Variants in FAR2 observed in about 807,000 individuals in gnomAD.
The protein encoded by FAR2 is fatty acyl-CoA reductase 2.
A neutral mutation model predicts 56.0 loss-of-function variants in FAR2; 19 were observed. The observed-to-expected ratio is 0.34, with a 90% CI of 0.24 to 0.50. FAR2 has a LOEUF of 0.50. Among genes scored for constraint, FAR2 ranks in the 20% least tolerant of loss-of-function variants. The probability of loss-of-function intolerance (pLI) is 0.98; values close to 1 mark genes in which losing one functional copy is unlikely to be tolerated. For synonymous variants in FAR2, 219 were observed against 218.8 expected, an observed-to-expected ratio of 1.00 and a Z score of -0.01; for missense variants, 508 against 642.2, an observed-to-expected ratio of 0.79 and a Z score of 2.26.
intron 4 of FAR2, among the ~76,000 whole-genome samples, chr12:29,298,451 T>G (rs1447445828): frequency 6.6e-6 from 1 of 152,146 alleles, no homozygotes; most frequent in Non-Finnish European, 1.5e-5. Context: ...TTCATTACCT[T>G]CAGGGCAAAC....
At chr12:29,239,159 T>C (rs1489124999) in intron 1 of FAR2, among the ~76,000 whole-genome samples, 1 of 152,146 alleles carries the variant, frequency 6.6e-6, no homozygotes, top group Admixed American at 6.6e-5. Flanking sequence ...GTATTGTTGT[T>C]AGAAGCAAGT....
intron 1 of FAR2, among the ~76,000 whole-genome samples, chr12:29,238,648 C>T (rs1565483466): frequency 6.6e-6 from 1 of 152,100 alleles, no homozygotes; most frequent in Non-Finnish European, 1.5e-5. Context: ...TTATGCTAAA[C>T]TGTACATAAG....
intron 1 of FAR2, among the ~76,000 whole-genome samples, chr12:29,230,100 C>T (rs1306842448): frequency 1.3e-5 from 2 of 151,896 alleles, no homozygotes; most frequent in Admixed American, 1.3e-4. Context: ...ATGTCATAAA[C>T]AGATGACATA....
intron 4 of FAR2, among the ~76,000 whole-genome samples, chr12:29,298,036 C>CAAAAAAAA (rs71042980): frequency 8.1e-6 from 1 of 123,598 alleles, no homozygotes. Context: ...AACTCCGTCT[C>CAAAAAAAA]AAAAAAAAAA....
chr12:29,235,107 C>T (rs1438334150), intron 1 of FAR2, among the ~76,000 whole-genome samples: 1 of 152,114 alleles, frequency 6.6e-6, no homozygotes, highest in Admixed American at 6.6e-5. Flanking sequence ...TTCCATTTTA[C>T]AAAGCAGAGA....
At chr12:29,195,756 A>T (rs1950138618) in intron 1 of FAR2, among the ~76,000 whole-genome samples, 1 of 152,174 alleles carries the variant, frequency 6.6e-6, no homozygotes, top group African/African-American at 2.4e-5. Flanking sequence ...TTCAAGTATT[A>T]CATGGATATA....
chr12:29,264,883 G>A (rs1230569375), intron 1 of FAR2, among the ~76,000 whole-genome samples: 2 of 147,830 alleles, frequency 1.4e-5, no homozygotes, highest in East Asian at 4.2e-4. Flanking sequence ...TATGCCCACA[G>A]TGGACACTCT....
chr12:29,253,274 T>G (rs1591894113), intron 1 of FAR2, among the ~76,000 whole-genome samples: 1 of 16,972 alleles, frequency 5.9e-5, no homozygotes, highest in Non-Finnish European at 1.5e-4. Context: ...TAGATATCTA[T>G]ATATCGATAT....
chr12:29,196,096 C>G (rs1037401356), intron 1 of FAR2, among the ~76,000 whole-genome samples: 1 of 152,030 alleles, frequency 6.6e-6, no homozygotes. Context: ...TCTAATTATC[C>G]ATTGATGATC....
At chr12:29,243,813 G>A (rs999204957) in intron 1 of FAR2, among the ~76,000 whole-genome samples, 1 of 152,128 alleles carries the variant, frequency 6.6e-6, no homozygotes, top group Non-Finnish European at 1.5e-5. Context: ...ATCATGTTGA[G>A]TTCAGGATGT....
Position 29,307,766 on chromosome 12 carries a change from G to C in FAR2, c.654G>C (p.Glu218Asp). 6.2e-7 allele frequency: 1 copy of C among 1,613,510 alleles called. No homozygotes were observed. Among genetic ancestry groups the C allele is most frequent in the South Asian group, 1.1e-5 (1 of 91,048 alleles). ...TGGGAGAAATGGTGGTGCAGCAAGA[G>C]AGCAGGAACCTGAACATTGCCATCA... ...KALGEMVVQQ[E>D]SRNLNIAIIR... The change falls in exon 5 of 12, where the codon GAG becomes GAC. Residue 218 changes from glutamate to aspartate, a missense_variant. Transcript: ENST00000536681.
At chr12:29,257,626 C>T (rs7303960) in intron 1 of FAR2, among the ~76,000 whole-genome samples, 84,841 of 151,426 alleles carry the variant, frequency 0.56, 24,279 homozygotes, top group African/African-American at 0.67. Flanking sequence ...CTGAAGCCAG[C>T]GAGACCACGA....
intron 1 of FAR2, among the ~76,000 whole-genome samples, chr12:29,177,226 A>G (rs1949947088): frequency 6.6e-6 from 1 of 152,134 alleles, no homozygotes; most frequent in Non-Finnish European, 1.5e-5. Context: ...CAGACACTTG[A>G]CCCGAATTTC....
intron 8 of FAR2, among the ~76,000 whole-genome samples, chr12:29,314,143 T>G (rs1015078159): frequency 4.6e-5 from 7 of 152,220 alleles, no homozygotes; most frequent in African/African-American, 9.6e-5. Flanking sequence ...AAATTAAACT[T>G]TCTACATGTG....
rs1949769872 is a variant in FAR2 at position 29,334,252 on chromosome 12, C to T, written c.*458C>T. ...AGTAAAAGGAGAATGGTCTCAATAT[C>T]CTCAAAAATGCAGTAAGAGAAGTAA... is the stretch of plus-strand genomic sequence containing the variant. On this transcript the variant is annotated 3_prime_UTR_variant, in exon 12 of 12. Coordinates refer to ENST00000536681, the MANE Select transcript of FAR2 (RefSeq NM_001271783.2). 1 of 152,224 alleles carries T rather than the reference C, an allele frequency of 6.6e-6. No individual in the cohort carries two copies. The highest frequency in any genetic ancestry group is 6.6e-5 in the Admixed American group (1 of 15,262). The allele number at this position is 152,224 out of a possible 1,614,324, so 9.4% of individuals were successfully genotyped here. A position where few individuals can be genotyped will look rare whatever the true frequency, so the allele number is the denominator to read the frequency against.
chr12:29,173,287 C>T (rs978584359), intron 1 of FAR2, among the ~76,000 whole-genome samples: 11 of 152,090 alleles, frequency 7.2e-5, no homozygotes, highest in Non-Finnish European at 1.6e-4. Context: ...TTTTGTGGTC[C>T]TTTGGAGATT....
chr12:29,187,320 A>G, intron 1 of FAR2, among the ~76,000 whole-genome samples: 1 of 152,068 alleles, frequency 6.6e-6, no homozygotes, highest in East Asian at 1.9e-4. Context: ...CAGTTATTAA[A>G]TAACGTTTTG....
chr12:29,319,949 C>T (rs1217997139), intron 9 of FAR2, among the ~76,000 whole-genome samples: 2 of 152,134 alleles, frequency 1.3e-5, no homozygotes, highest in Admixed American at 1.3e-4. Context: ...CACCTGTAAC[C>T]CCAGCAATTT....
intron 1 of FAR2, among the ~76,000 whole-genome samples, chr12:29,267,067 T>A (rs2136701857): frequency 6.6e-6 from 1 of 152,304 alleles, no homozygotes; most frequent in South Asian, 2.1e-4. Flanking sequence ...ATTAAAGAAG[T>A]AGGGTACCTC....
Sources: gnomAD v4.1 joint callset for allele counts (sites outside exome capture counted in the v4.1 genomes callset) on GRCh38, gnomAD v4.1.1 for gene constraint, MANE v1.5 for transcripts, NCBI Gene and HGNC (gene_info 2026-07-23, HGNC 2026-07-21) for gene names.